PRKN: variants seen among roughly 807,000 people sequenced by gnomAD.
PRKN encodes E3 ubiquitin-protein ligase parkin.
A neutral mutation model predicts 59.5 loss-of-function variants in PRKN; 56 were observed. The observed-to-expected ratio is 0.94, with a 90% CI of 0.76 to 1.18. The LOEUF is 1.18. PRKN is among the 50% of genes most tolerant of loss of function. The pLI is 0.00. For synonymous variants in PRKN, 250 were observed against 222.1 expected (o/e 1.13, Z -1.12); for missense variants, 657 against 596.4 (o/e 1.10, Z -1.06).
intron 1 of PRKN, among the ~76,000 whole-genome samples, chr6:162,704,530 T>G (rs542961233): frequency 6.6e-6 from 1 of 152,342 alleles, no homozygotes; most frequent in South Asian, 2.1e-4. Flanking sequence ...CATTGGAATA[T>G]TTCACTGATG....
At chr6:161,905,872 A>C (rs955416764) in intron 6 of PRKN, among the ~76,000 whole-genome samples, 3 of 150,894 alleles carry the variant, frequency 2.0e-5, no homozygotes, top group African/African-American at 7.4e-5. Context: ...AGGCAGGAGA[A>C]TCACTTGAAC....
rs9347501 is a variant in PRKN, at chr6:161,379,989, T to G, written c.1167+6805A>C. 0.23 allele frequency among the ~76,000 whole-genome samples: 35,162 copies of G among 152,180 alleles called. 4,338 individuals are homozygous for G. Among genetic ancestry groups the G allele is most frequent in the South Asian group, 0.33 (1,574 of 4,822 alleles). ...AAAAAATCTCCAGATGCCTTCTCAC[T>G]GCCCTAAATCCCAAGCTCCTGCCTG... is the stretch of plus-strand genomic sequence containing the variant. On this transcript the variant is annotated intron_variant, in intron 10 of 11. Coordinates refer to ENST00000366898, the MANE Select transcript of PRKN (RefSeq NM_004562.3). This position sits in a 1 kb window ranked among gnomAD's most constrained non-coding sequence, Gnocchi z 4.9.
chr6:161,451,313 T>G lies in PRKN; in HGVS notation c.1084-64436A>C, dbSNP rs1177036312. Among the ~76,000 whole-genome samples the G allele has an allele frequency of 6.6e-6, 1 of 152,164 alleles. No homozygotes were observed. Among genetic ancestry groups the G allele is most frequent in the Non-Finnish European group, 1.5e-5 (1 of 68,018 alleles). On this transcript the variant is annotated intron_variant, in intron 9 of 11. Coordinates refer to ENST00000366898, the MANE Select transcript of PRKN (RefSeq NM_004562.3). The surrounding 1 kb of genome is among the most constrained non-coding windows in gnomAD (Gnocchi z 5.9). Reference sequence around the variant, plus strand: ...TCAATGACTTCCACGAGAAGACCTCTCTGGAGAGGTCTGAACATTGTCTTC... The same window carrying G: ...TCAATGACTTCCACGAGAAGACCTCGCTGGAGAGGTCTGAACATTGTCTTC...
At position 162,444,073 on chromosome 6, in the gene PRKN, G is replaced by A. The variant is rs192888020; in HGVS notation, c.8-600C>T. Reference sequence around the variant, plus strand: ...GGTGGAGACACTAGTGACACCATTTGTCTTATTGAAGCCACTGTTCCCCGT... The same window carrying A: ...GGTGGAGACACTAGTGACACCATTTATCTTATTGAAGCCACTGTTCCCCGT... On this transcript the variant is annotated intron_variant, in intron 1 of 11. Coordinates refer to ENST00000366898, the MANE Select transcript of PRKN (RefSeq NM_004562.3). 3.9e-4 allele frequency among the ~76,000 whole-genome samples: 60 copies of A among 152,220 alleles called. No individual in the cohort carries two copies. The East Asian group carries it at 0.011, about 29-fold the overall frequency.
chr6:161,978,928 G>A (rs1411282072), intron 5 of PRKN, among the ~76,000 whole-genome samples: 1 of 152,230 alleles, frequency 6.6e-6, no homozygotes, highest in African/African-American at 2.4e-5. Flanking sequence ...CAATTCTAGT[G>A]TGGCTGGAAC....
At chr6:162,620,192 C>A (rs894760442) in intron 1 of PRKN, among the ~76,000 whole-genome samples, 2 of 152,086 alleles carry the variant, frequency 1.3e-5, no homozygotes, top group African/African-American at 4.8e-5. Context: ...ATCTCCTCAA[C>A]AGGTTATCAT....
intron 1 of PRKN, among the ~76,000 whole-genome samples, chr6:162,466,727 A>G (rs1791433703): frequency 6.6e-6 from 1 of 151,786 alleles, no homozygotes; most frequent in African/African-American, 2.4e-5. Context: ...TTTTTTTTTA[A>G]TGTGCCATTG....
chr6:162,071,984 T>C (rs1225250297), intron 4 of PRKN, among the ~76,000 whole-genome samples: 23 of 152,152 alleles, frequency 1.5e-4, no homozygotes. Context: ...CATAAAGTTC[T>C]GAAAAAGCAT....
chr6:162,443,787 C>T (rs540316669), intron 1 of PRKN, among the ~76,000 whole-genome samples: 9 of 152,200 alleles, frequency 5.9e-5, no homozygotes, highest in African/African-American at 2.2e-4. Flanking sequence ...TTGAAAGAGT[C>T]CCATGAGTTT....
At chr6:162,176,532 G>A (rs1240279643) in intron 4 of PRKN, among the ~76,000 whole-genome samples, 1 of 152,104 alleles carries the variant, frequency 6.6e-6, no homozygotes, top group East Asian at 1.9e-4. Flanking sequence ...TCAAAGAAAT[G>A]AATTTGGGCC....
At chr6:162,184,445 C>T (rs936354740) in intron 4 of PRKN, among the ~76,000 whole-genome samples, 1 of 152,108 alleles carries the variant, frequency 6.6e-6, no homozygotes, top group Non-Finnish European at 1.5e-5. Context: ...ATCATGTGGG[C>T]GATTTCACCC....
At chr6:162,165,648 T>G (rs2023086) in intron 4 of PRKN, among the ~76,000 whole-genome samples, 87,472 of 148,566 alleles carry the variant, frequency 0.59, 28,585 homozygotes, top group Non-Finnish European at 0.62. Flanking sequence ...GGAGCCACCG[T>G]AATGCTCATG....
chr6:162,195,229 C>T (rs187462433), intron 4 of PRKN, among the ~76,000 whole-genome samples: 16 of 152,304 alleles, frequency 1.1e-4, no homozygotes, highest in African/African-American at 3.9e-4. Flanking sequence ...TGCGTAATGC[C>T]TCCTCCACTG....
chr6:162,694,426 A>G (rs1036268388), intron 1 of PRKN, among the ~76,000 whole-genome samples: 2 of 152,136 alleles, frequency 1.3e-5, no homozygotes, highest in African/African-American at 2.4e-5. Context: ...TAGCACACAC[A>G]GTATGTGTCT....
chr6:161,638,228 G>C lies in PRKN; in HGVS notation c.872-68812C>G, dbSNP rs553648779. On this transcript the variant is annotated intron_variant, in intron 7 of 11. Coordinates refer to ENST00000366898, the MANE Select transcript of PRKN (RefSeq NM_004562.3). ...GCTCACTGCAACCTCCACCTGCTGGGTTGAAGCCATTCTCGTGCCTCAGCC... is the reference window on the plus strand; with the variant it reads ...GCTCACTGCAACCTCCACCTGCTGGCTTGAAGCCATTCTCGTGCCTCAGCC... Among the ~76,000 whole-genome samples the C allele has an allele frequency of 2.6e-5, 4 of 152,056 alleles. No homozygotes were observed. The South Asian group carries it at 8.3e-4, about 32-fold the overall frequency.
chr6:162,339,387 T>G (rs1333951944), intron 2 of PRKN, among the ~76,000 whole-genome samples: 4 of 108,468 alleles, frequency 3.7e-5, no homozygotes, highest in South Asian at 6.4e-4. Flanking sequence ...GGGAGGGAGG[T>G]GGGGGGGTCA....
intron 7 of PRKN, among the ~76,000 whole-genome samples, chr6:161,676,232 C>T (rs2128170623): frequency 6.6e-6 from 1 of 152,332 alleles, no homozygotes; most frequent in African/African-American, 2.4e-5. Context: ...GTAGTGCTAT[C>T]TAACAATGTC....
At chr6:162,338,827 C>T (rs1783980705) in intron 2 of PRKN, among the ~76,000 whole-genome samples, 1 of 151,456 alleles carries the variant, frequency 6.6e-6, no homozygotes, top group Non-Finnish European at 1.5e-5. Context: ...TCCCGGCCAC[C>T]ATCACATCTA....
rs570757379 is a variant in PRKN, at chr6:162,415,460, T to A, written c.171+27850A>T. Among the ~76,000 whole-genome samples the A allele has an allele frequency of 4.0e-4, 61 of 151,750 alleles. No homozygotes were observed. In the Middle Eastern group the frequency reaches 0.024, roughly 60 times the overall value. On this transcript the variant is annotated intron_variant, in intron 2 of 11. Transcript: ENST00000366898. ...TCACTCATGTATCTAAATATCTTTA[T>A]GGTGAAAGCTTCCTACTTTAAGAGT...
Sources: gnomAD v4.1 joint callset for allele counts (sites outside exome capture counted in the v4.1 genomes callset) on GRCh38, gnomAD v4.1.1 for gene constraint, Gnocchi (gnomAD v3.1) non-coding constraint, MANE v1.5 for transcripts, NCBI Gene and HGNC (gene_info 2026-07-23, HGNC 2026-07-21) for gene names.